The following TNIP3 variants were observed in gnomAD, a reference collection of about 807,000 sequenced individuals.
The protein encoded by TNIP3 is TNFAIP3 interacting protein 3.
Under a neutral mutation model 54.1 loss-of-function variants are expected in TNIP3, and 34 were observed. The observed-to-expected ratio is 0.63, with a 90% CI of 0.48 to 0.84. The LOEUF is 0.84. TNIP3 is among the 40% of genes least tolerant of loss of function. TNIP3 has a pLI of 0.00. For synonymous variants in TNIP3, 134 were observed against 136.8 expected (o/e 0.98, Z 0.14); for missense variants, 366 against 387.6 (o/e 0.94, Z 0.47).
At chr4:121,185,377 T>G (rs956564826) in intron 2 of TNIP3, among the ~76,000 whole-genome samples, 9 of 152,268 alleles carry the variant, frequency 5.9e-5, no homozygotes, top group African/African-American at 2.2e-4. Flanking sequence ...CTGACTAACC[T>G]ATCTGAACTA....
intron 2 of TNIP3, among the ~76,000 whole-genome samples, chr4:121,190,986 A>T (rs1450347352): frequency 6.6e-6 from 1 of 152,166 alleles, no homozygotes; most frequent in Non-Finnish European, 1.5e-5. Flanking sequence ...CCAAAGTTGA[A>T]AATTACACAA....
At chr4:121,142,283 GA>G (rs2148797978) in intron 8 of TNIP3, among the ~76,000 whole-genome samples, 1 of 152,220 alleles carries the variant, frequency 6.6e-6, no homozygotes, top group South Asian at 2.1e-4. Context: ...CTAAAATCCA[GA>G]AAGGAAATTA....
chr4:121,161,152 TCCAAACA>T lies in TNIP3; in HGVS notation c.124_130del (p.Cys42LysfsTer21). The T allele has an allele frequency of 1.3e-6, 2 of 1,586,686 alleles. No homozygotes were observed. Among genetic ancestry groups the T allele is most frequent in the Non-Finnish European group, 1.7e-6 (2 of 1,162,886 alleles). On this transcript the variant is annotated frameshift_variant, in exon 2 of 11. Transcript: ENST00000057513. LOFTEE classifies it high-confidence loss of function. ...CTAAGTTACCTCTTTTCTTTGTTTT[TCCAAACA>T]CCTTATCTTTTGTTCAAGAGAATTC...
Position 121,163,942 on chromosome 4 carries a change from C to A in TNIP3, c.66+118G>T, listed in dbSNP as rs1730609778. The A allele has an allele frequency of 2.5e-6, 3 of 1,189,430 alleles. No individual in the cohort carries two copies. In the South Asian group the frequency reaches 6.1e-5, roughly 24 times the overall value. The allele number at this position is 1,189,430 out of a possible 1,614,324, so 73.7% of individuals were successfully genotyped here. Reference sequence around the variant, plus strand: ...TTTTGGTTAAAAATATAGAGCAAATCTTAGCTAAAGAAAGCAAACTAGCCA... The same window carrying A: ...TTTTGGTTAAAAATATAGAGCAAATATTAGCTAAAGAAAGCAAACTAGCCA... On this transcript the variant is annotated intron_variant, in intron 1 of 10. Coordinates refer to ENST00000057513, the MANE Select transcript of TNIP3 (RefSeq NM_024873.6).
At position 121,142,722 on chromosome 4, in the gene TNIP3, A is replaced by G. The variant is rs1264501254; in HGVS notation, c.786+4T>C. On this transcript the variant is annotated splice_donor_region_variant and intron_variant, in intron 8 of 10. Transcript: ENST00000057513. Reference sequence around the variant, plus strand: ...ATGTATGCGTGAAAATTAGATCAACATACCTGTTTTAATTGCTTTTCTAGT... The same window carrying G: ...ATGTATGCGTGAAAATTAGATCAACGTACCTGTTTTAATTGCTTTTCTAGT... 1.2e-6 allele frequency: 2 copies of G among 1,608,824 alleles called. No individual in the cohort carries two copies. The highest frequency in any genetic ancestry group is 1.7e-6 in the Non-Finnish European group (2 of 1,175,590).
intron 1 of TNIP3, among the ~76,000 whole-genome samples, chr4:121,161,855 A>G (rs372738899): frequency 9.2e-5 from 14 of 152,018 alleles, no homozygotes; most frequent in African/African-American, 2.9e-4. Context: ...TATTTTTTTC[A>G]GGAGTGAGAG....
chr4:121,154,837 C>T (rs184462787), intron 4 of TNIP3, among the ~76,000 whole-genome samples, 158 bp from the exon 5 acceptor site: 367 of 152,044 alleles, frequency 2.4e-3, no homozygotes, highest in Middle Eastern at 3.4e-3. Context: ...ACTTAATGTT[C>T]CATTTGAGCA....
At chr4:121,170,780 TG>T (rs897673136) in intron 3 of TNIP3, among the ~76,000 whole-genome samples, 13 of 152,152 alleles carry the variant, frequency 8.5e-5, no homozygotes, top group African/African-American at 3.1e-4. Flanking sequence ...ACTATTCTTT[TG>T]TTTTATGTAG....
At chr4:121,139,388 C>T (rs558505999) in intron 9 of TNIP3, among the ~76,000 whole-genome samples, 5 of 152,288 alleles carry the variant, frequency 3.3e-5, no homozygotes, top group African/African-American at 1.2e-4. Flanking sequence ...ATCAAGATAT[C>T]TCCAAGGCCA....
rs1729659246 is a variant in TNIP3, at chr4:121,150,157, T to C, written c.555A>G (p.Arg185=). Residue 185 remains arginine (R), a synonymous_variant, in exon 6 of 11, where the codon CGA becomes CGG. Transcript: ENST00000057513. ...TCATCTCCTCATGGCAGAATTCCACTCGAGACTTCCTCAAACAGTCCTCGG... is the reference window on the plus strand; with the variant it reads ...TCATCTCCTCATGGCAGAATTCCACCCGAGACTTCCTCAAACAGTCCTCGG... ...SFSEDCLRKS[R]VEFCHEEMRT... 5.6e-6 allele frequency: 9 copies of C among 1,613,798 alleles called. No individual in the cohort carries two copies. Among genetic ancestry groups the C allele is most frequent in the Non-Finnish European group, 7.6e-6 (9 of 1,179,906 alleles).
intron 2 of TNIP3, among the ~76,000 whole-genome samples, chr4:121,201,026 G>A (rs6812399): frequency 0.3 from 45,625 of 152,038 alleles, 7,558 homozygotes; most frequent in African/African-American, 0.44. Context: ...TGCTGGGGAA[G>A]AGAGTAGGAG....
intron 3 of TNIP3, among the ~76,000 whole-genome samples, chr4:121,171,931 C>T (rs1412168425): frequency 6.6e-6 from 1 of 152,104 alleles, no homozygotes; most frequent in Non-Finnish European, 1.5e-5. Flanking sequence ...TGGGGTTTCA[C>T]CATGTTGGTC....
upstream of TNIP3, among the ~76,000 whole-genome samples, chr4:121,217,477 C>T (rs1054742197): frequency 6.6e-6 from 1 of 151,942 alleles, no homozygotes; most frequent in Non-Finnish European, 1.5e-5. Flanking sequence ...GTGTTGTTTT[C>T]GGCTTGTGAC....
At chr4:121,208,834 C>T (rs1417656510) in intron 2 of TNIP3, among the ~76,000 whole-genome samples, 2 of 152,168 alleles carry the variant, frequency 1.3e-5, no homozygotes, top group Non-Finnish European at 2.9e-5. Context: ...CTGGACTACA[C>T]CTAAGTTATG....
intron 2 of TNIP3, among the ~76,000 whole-genome samples, chr4:121,208,448 G>A (rs562310999): frequency 6.6e-6 from 1 of 152,104 alleles, no homozygotes; most frequent in African/African-American, 2.4e-5. Context: ...CAAGAGGGCA[G>A]CTTCAAATCT....
At chr4:121,204,170 A>T (rs1002091570) in intron 2 of TNIP3, among the ~76,000 whole-genome samples, 3 of 152,138 alleles carry the variant, frequency 2.0e-5, no homozygotes, top group Non-Finnish European at 4.4e-5. Flanking sequence ...AGGGCCCAAA[A>T]TCTCGAAGCT....
At chr4:121,143,577 C>G (rs1219778972) in intron 7 of TNIP3, among the ~76,000 whole-genome samples, 3 of 152,134 alleles carry the variant, frequency 2.0e-5, no homozygotes, top group African/African-American at 7.2e-5. Flanking sequence ...ACAGGCAATT[C>G]TTGCTGCTTG....
intron 2 of TNIP3, among the ~76,000 whole-genome samples, chr4:121,187,553 T>G (rs1177386535): frequency 6.6e-6 from 1 of 152,234 alleles, no homozygotes; most frequent in African/African-American, 2.4e-5. Context: ...AGAAGGACCA[T>G]GGAGGGCTAT....
chr4:121,145,089 C>A (rs947809979), intron 7 of TNIP3, among the ~76,000 whole-genome samples: 3 of 152,302 alleles, frequency 2.0e-5, no homozygotes. Flanking sequence ...GGTAAGAAAG[C>A]AACTCAGAAT....
Sources: gnomAD v4.1 joint callset for allele counts (sites outside exome capture counted in the v4.1 genomes callset) on GRCh38, gnomAD v4.1.1 for gene constraint, MANE v1.5 for transcripts, NCBI Gene and HGNC (gene_info 2026-07-23, HGNC 2026-07-21) for gene names.